The following EDA variants were observed in gnomAD, a reference collection of about 807,000 sequenced individuals.
EDA encodes the protein ectodysplasin-A.
EDA carries 2 observed loss-of-function variants against 23.6 expected under a neutral mutation model. That is an observed-to-expected ratio of 0.08 (90% CI 0.03 to 0.27). The LOEUF is 0.27. Ranked by LOEUF, EDA falls within the 10% of genes least tolerant of loss-of-function variation. The probability of loss-of-function intolerance (pLI) is 1.00; values close to 1 mark genes in which losing one functional copy is unlikely to be tolerated. For missense variants in EDA, 229 were observed against 324.2 expected (o/e 0.71, Z 2.26); for synonymous variants, 131 against 132.0 (o/e 0.99, Z 0.05).
At chrX:69,973,495 C>T (rs909004516) in intron 2 of EDA, among the ~76,000 whole-genome samples, 1 of 111,508 alleles carries the variant, frequency 9.0e-6, no homozygotes, top group Non-Finnish European at 1.9e-5. Context: ...TTTCTTGGGC[C>T]TTCACAAGCA....
At chrX:70,003,636 T>C (rs1186005682) in intron 2 of EDA, among the ~76,000 whole-genome samples, 1 of 112,009 alleles carries the variant, frequency 8.9e-6, no homozygotes, top group Non-Finnish European at 1.9e-5. Context: ...AACCCCAGTA[T>C]TTCCCAAACA....
intron 1 of EDA, among the ~76,000 whole-genome samples, chrX:69,667,655 T>G (rs1933732265): frequency 8.9e-6 from 1 of 112,287 alleles, no homozygotes; most frequent in Non-Finnish European, 1.9e-5. Context: ...GCTTCTTTTA[T>G]TAGTTACTTA....
At chrX:69,880,504 C>T (rs1031981354) in intron 1 of EDA, among the ~76,000 whole-genome samples, 4 of 112,064 alleles carry the variant, frequency 3.6e-5, no homozygotes, top group Non-Finnish European at 7.5e-5. Flanking sequence ...AGTGATGAAA[C>T]AGCCACCACC....
At chrX:69,947,396 C>G (rs2018849024) in intron 1 of EDA, among the ~76,000 whole-genome samples, 1 of 112,386 alleles carries the variant, frequency 8.9e-6, no homozygotes, top group Non-Finnish European at 1.9e-5. Flanking sequence ...CAGCTGAAAG[C>G]CTTTGCTCAA....
chrX:69,719,004 A>G (rs1322225749), intron 1 of EDA, among the ~76,000 whole-genome samples: 3 of 111,478 alleles, frequency 2.7e-5, no homozygotes, highest in East Asian at 5.7e-4. Context: ...CAGATTATCT[A>G]TTTCATCTTG....
At chrX:69,848,026 A>G (rs2017044404) in intron 1 of EDA, among the ~76,000 whole-genome samples, 1 of 111,666 alleles carries the variant, frequency 9.0e-6, no homozygotes, top group South Asian at 3.7e-4. Context: ...CTTTTCTTTT[A>G]ATTTTAGCCA....
intron 1 of EDA, among the ~76,000 whole-genome samples, chrX:69,899,541 T>TGG (rs765170565): frequency 9.1e-6 from 1 of 110,254 alleles, no homozygotes; most frequent in Non-Finnish European, 1.9e-5. Flanking sequence ...TGTGTGTGTG[T>TGG]GTTTGTGTGC....
intron 1 of EDA, among the ~76,000 whole-genome samples, chrX:69,675,405 A>T (rs897173200): frequency 1.8e-5 from 2 of 111,723 alleles, no homozygotes; most frequent in African/African-American, 6.5e-5. Context: ...CATCGTGTCT[A>T]AAAATGAATT....
chrX:69,891,966 C>T (rs569170051), intron 1 of EDA, among the ~76,000 whole-genome samples: 12 of 111,284 alleles, frequency 1.1e-4, no homozygotes, highest in African/African-American at 3.3e-4. Context: ...TAGAAAAGGA[C>T]GCAGGAGAAA....
At chrX:69,973,082 A>G (rs1373430125) in intron 2 of EDA, among the ~76,000 whole-genome samples, 1 of 111,872 alleles carries the variant, frequency 8.9e-6, no homozygotes, top group African/African-American at 3.2e-5. Context: ...CTGGGACAGA[A>G]AAACAGAAAA....
chrX:69,926,444 A>G (rs1350520929), intron 1 of EDA, among the ~76,000 whole-genome samples: 1 of 111,744 alleles, frequency 8.9e-6, no homozygotes, highest in African/African-American at 3.3e-5. Flanking sequence ...CAGGTTGTTC[A>G]ATTTCCATGT....
At chrX:69,959,368 C>T (rs757694496) in intron 2 of EDA, among the ~76,000 whole-genome samples, 4 of 111,467 alleles carry the variant, frequency 3.6e-5, no homozygotes, top group East Asian at 5.7e-4. Context: ...TATTAGATTT[C>T]CAACTTTTCA....
At chrX:69,825,539 G>T (rs1255928791) in intron 1 of EDA, among the ~76,000 whole-genome samples, 3 of 111,568 alleles carry the variant, frequency 2.7e-5, no homozygotes, top group Non-Finnish European at 5.6e-5. Context: ...GGGATCTGTG[G>T]TGATATCCCC....
chrX:69,687,226 G>C (rs1934574790), intron 1 of EDA, among the ~76,000 whole-genome samples: 1 of 107,879 alleles, frequency 9.3e-6, no homozygotes, highest in African/African-American at 3.4e-5. Context: ...TTGGAGAAAT[G>C]TATATTCAGA....
At chrX:69,655,776 A>C (rs1356673087) in intron 1 of EDA, among the ~76,000 whole-genome samples, 1 of 88,169 alleles carries the variant, frequency 1.1e-5, no homozygotes, top group African/African-American at 4.7e-5. Context: ...ATATATATAT[A>C]TATATATATA....
rs1420393780 is a variant in EDA at position 70,037,462 on chromosome X, G to T, written c.*1853G>T. On this transcript the variant is annotated 3_prime_UTR_variant, in exon 8 of 8. Coordinates refer to ENST00000374552, the MANE Select transcript of EDA (RefSeq NM_001399.5). ...AACAAGAACCACTCCTTCATGTTTG[G>T]AAAATAATTTCTCTTGTATTATCTC... is the stretch of plus-strand genomic sequence containing the variant. 1 of 112,159 alleles carries T rather than the reference G, an allele frequency of 8.9e-6. No individual in the cohort carries two copies. Among genetic ancestry groups the T allele is most frequent in the African/African-American group, 3.2e-5 (1 of 30,857 alleles). 9.2% of individuals were successfully genotyped at this position (112,159 alleles called of 1,213,427 possible). A position where few individuals can be genotyped will look rare whatever the true frequency, so the allele number is the denominator to read the frequency against.
At chrX:69,821,667 CATAAAG>C (rs992139625) in intron 1 of EDA, among the ~76,000 whole-genome samples, 10 of 111,645 alleles carry the variant, frequency 9.0e-5, no homozygotes, top group Non-Finnish European at 1.9e-4. Context: ...TGTGAATGTG[CATAAAG>C]ATAAAGAATA....
At chrX:69,863,969 G>A (rs2017442693) in intron 1 of EDA, among the ~76,000 whole-genome samples, 1 of 110,301 alleles carries the variant, frequency 9.1e-6, no homozygotes, top group Non-Finnish European at 1.9e-5. Context: ...TGGCTTCTTT[G>A]TATTCATTAT....
chrX:69,947,128 T>G (rs5936524), intron 1 of EDA, among the ~76,000 whole-genome samples: 22,231 of 111,384 alleles, frequency 0.2, 1,742 homozygotes, highest in South Asian at 0.33. Context: ...CCTTTCACTT[T>G]AGAAGCATGA....
Sources: allele counts gnomAD v4.1 joint callset (sites outside exome capture counted in the v4.1 genomes callset), GRCh38; gene constraint gnomAD v4.1.1; transcripts MANE v1.5; gene names NCBI Gene and HGNC (gene_info 2026-07-23, HGNC 2026-07-21).